Variants in SHISA6 observed in about 807,000 individuals in gnomAD.
SHISA6 encodes the protein protein shisa-6.
In SHISA6, 22 loss-of-function variants were observed where a neutral mutation model predicts 47.9. That is an observed-to-expected ratio of 0.46 (90% CI 0.33 to 0.66). The LOEUF (loss-of-function observed/expected upper bound fraction) is 0.66, where lower values mean the gene tolerates loss of function less well. Ranked by LOEUF, SHISA6 falls within the 30% of genes least tolerant of loss-of-function variation. The probability of loss-of-function intolerance (pLI) is 0.02; values close to 1 mark genes in which losing one functional copy is unlikely to be tolerated. For synonymous variants in SHISA6, 388 were observed against 337.8 expected (o/e 1.15, Z -1.63); for missense variants, 680 against 764.6 (o/e 0.89, Z 1.30).
chr17:11,317,920 C>A (rs916729654), intron 2 of SHISA6, among the ~76,000 whole-genome samples: 11 of 151,910 alleles, frequency 7.2e-5, no homozygotes, highest in African/African-American at 2.7e-4. Context: ...GTAAGGTAAA[C>A]CCTTTTTACT....
intron 2 of SHISA6, among the ~76,000 whole-genome samples, chr17:11,284,958 T>A (rs1319641573): frequency 6.6e-6 from 1 of 152,232 alleles, no homozygotes; most frequent in East Asian, 1.9e-4. Flanking sequence ...CTTTGGTTTC[T>A]TAACTGAGCC....
At chr17:11,275,772 G>A (rs554222477) in intron 2 of SHISA6, among the ~76,000 whole-genome samples, 2 of 152,250 alleles carry the variant, frequency 1.3e-5, no homozygotes, top group African/African-American at 4.8e-5. Context: ...AGAGACCAGA[G>A]TGGTTGGAGT....
At chr17:11,471,160 G>C (rs1915926943) in intron 3 of SHISA6, among the ~76,000 whole-genome samples, 1 of 141,274 alleles carries the variant, frequency 7.1e-6, no homozygotes, top group African/African-American at 2.7e-5. Context: ...AGTGAGCCAA[G>C]ATCATGCCAC....
intron 2 of SHISA6, among the ~76,000 whole-genome samples, chr17:11,365,417 A>G (rs1912416918): frequency 2.6e-5 from 4 of 152,066 alleles, no homozygotes. Flanking sequence ...AGCTGAGATC[A>G]CAGGCACTCA....
At chr17:11,324,293 C>T (rs1441103884) in intron 2 of SHISA6, among the ~76,000 whole-genome samples, 1 of 152,180 alleles carries the variant, frequency 6.6e-6, no homozygotes, top group Non-Finnish European at 1.5e-5. Context: ...TCTTCCTTTC[C>T]CCCGTAACAC....
chr17:11,266,275 C>T (rs905739168), intron 2 of SHISA6, among the ~76,000 whole-genome samples: 2 of 152,166 alleles, frequency 1.3e-5, no homozygotes, highest in Non-Finnish European at 2.9e-5. Context: ...TATCCAGCAA[C>T]ACCAACAGGC....
intron 3 of SHISA6, 62 bp from the exon 4 acceptor site, chr17:11,551,834 T>C (rs375858167): frequency 7.3e-6 from 10 of 1,372,276 alleles, no homozygotes; most frequent in African/African-American, 2.9e-5. Flanking sequence ...GATGCTGTTA[T>C]GTTGGAGAGA....
chr17:11,528,985 G>T (rs368591503), intron 3 of SHISA6, among the ~76,000 whole-genome samples: 4 of 152,272 alleles, frequency 2.6e-5, no homozygotes, highest in African/African-American at 7.2e-5. Context: ...GAGGTCGGGA[G>T]TTCGAGACCA....
At chr17:11,330,634 C>T (rs992293109) in intron 2 of SHISA6, among the ~76,000 whole-genome samples, 6 of 152,068 alleles carry the variant, frequency 3.9e-5, no homozygotes, top group South Asian at 2.1e-4. Flanking sequence ...CTGAGCTTCC[C>T]TGGGGTCCAA....
At chr17:11,401,967 A>C (rs1410283028) in intron 3 of SHISA6, among the ~76,000 whole-genome samples, 1 of 152,316 alleles carries the variant, frequency 6.6e-6, no homozygotes, top group South Asian at 2.1e-4. Context: ...GGACAGGGAA[A>C]CCACAATGAA....
At chr17:11,412,879 A>G (rs940834385) in intron 3 of SHISA6, among the ~76,000 whole-genome samples, 4 of 152,104 alleles carry the variant, frequency 2.6e-5, no homozygotes, top group African/African-American at 9.7e-5. Context: ...GAAGCACTAG[A>G]AAGTAGGGCT....
At chr17:11,450,142 C>T (rs529084613) in intron 3 of SHISA6, among the ~76,000 whole-genome samples, 1 of 152,142 alleles carries the variant, frequency 6.6e-6, no homozygotes, top group Admixed American at 6.5e-5. Flanking sequence ...GCCTCGGCCT[C>T]CCGAAGTGCT....
intron 2 of SHISA6, among the ~76,000 whole-genome samples, chr17:11,292,315 T>G (rs1909582013): frequency 6.6e-6 from 1 of 152,068 alleles, no homozygotes; most frequent in Admixed American, 6.6e-5. Context: ...GGCCCTGGTG[T>G]GTGATGTTCT....
At chr17:11,520,817 T>C (rs780297922) in intron 3 of SHISA6, among the ~76,000 whole-genome samples, 12 of 152,176 alleles carry the variant, frequency 7.9e-5, no homozygotes, top group Non-Finnish European at 1.8e-4. Context: ...CCTCCTGTTT[T>C]TATCTGTTCC....
chr17:11,561,118 G>C lies in SHISA6; in HGVS notation c.*2814G>C, dbSNP rs2072039036. 1.3e-5 allele frequency: 2 copies of C among 152,176 alleles called. No homozygotes were observed. Among genetic ancestry groups the C allele is most frequent in the Admixed American group, 6.5e-5 (1 of 15,274 alleles). The allele number at this position is 152,176 out of a possible 1,614,324, so 9.4% of individuals were successfully genotyped here. A position where few individuals can be genotyped will look rare whatever the true frequency, so the allele number is the denominator to read the frequency against. ...CATCAATAGGCAAGTTCACGTAGCA[G>C]ATAAAAGAGGCTTCTGGGGCTGGAA... On this transcript the variant is annotated 3_prime_UTR_variant, in exon 6 of 6. Coordinates refer to ENST00000441885, the MANE Select transcript of SHISA6 (RefSeq NM_207386.4).
intron 2 of SHISA6, among the ~76,000 whole-genome samples, chr17:11,355,837 A>G (rs1291176241): frequency 6.6e-6 from 1 of 152,186 alleles, no homozygotes; most frequent in Non-Finnish European, 1.5e-5. Flanking sequence ...TCAACAGATA[A>G]TCCTTTTATT....
At chr17:11,304,705 G>A (rs949674957) in intron 2 of SHISA6, among the ~76,000 whole-genome samples, 2 of 152,102 alleles carry the variant, frequency 1.3e-5, no homozygotes, top group Non-Finnish European at 2.9e-5. Flanking sequence ...GAGGAGAAGA[G>A]AGAAGATCCC....
intron 2 of SHISA6, among the ~76,000 whole-genome samples, chr17:11,348,026 A>G (rs997308399): frequency 6.6e-6 from 1 of 152,234 alleles, no homozygotes; most frequent in African/African-American, 2.4e-5. Context: ...ATCCATAAGA[A>G]GATGCAAAAT....
chr17:11,244,219 C>T (rs900321591), intron 1 of SHISA6, among the ~76,000 whole-genome samples: 1 of 152,136 alleles, frequency 6.6e-6, no homozygotes, highest in Non-Finnish European at 1.5e-5. Context: ...CCCTCAAGTT[C>T]ACCACCTGAT....
Sources: gnomAD v4.1 joint callset for allele counts (sites outside exome capture counted in the v4.1 genomes callset) on GRCh38, gnomAD v4.1.1 for gene constraint, MANE v1.5 for transcripts, NCBI Gene and HGNC (gene_info 2026-07-23, HGNC 2026-07-21) for gene names.